Variants in COL21A1 observed in about 807,000 individuals in gnomAD.
The protein encoded by COL21A1 is collagen alpha-1(XXI) chain.
Under a neutral mutation model 137.9 loss-of-function variants are expected in COL21A1, and 149 were observed. The ratio of observed to expected loss-of-function variants is 1.08; its 90% CI spans 0.95 to 1.24. The LOEUF is 1.24. Ranked by LOEUF, COL21A1 falls within the 50% of genes most tolerant of loss-of-function variation. The pLI, the probability that COL21A1 is intolerant of heterozygous loss-of-function variation, is 0.00. For synonymous variants in COL21A1, 456 were observed against 391.5 expected (o/e 1.16, Z -1.95); for missense variants, 1,167 against 1,158.4 (o/e 1.01, Z -0.11).
intron 1 of COL21A1, among the ~76,000 whole-genome samples, chr6:56,266,380 G>T (rs1763390906): frequency 6.6e-6 from 1 of 152,068 alleles, no homozygotes; most frequent in Non-Finnish European, 1.5e-5. Context: ...ACACAGCCAT[G>T]ATCTTTTTTG....
At chr6:56,287,551 T>C (rs1763945682) in intron 1 of COL21A1, among the ~76,000 whole-genome samples, 1 of 152,104 alleles carries the variant, frequency 6.6e-6, no homozygotes. Flanking sequence ...TGATTTGCCA[T>C]GTGAAGAAGA....
At chr6:56,393,050 C>CAAA (rs34338247) in intron 1 of COL21A1, among the ~76,000 whole-genome samples, 1 of 123,820 alleles carries the variant, frequency 8.1e-6, no homozygotes, top group Non-Finnish European at 1.7e-5. Flanking sequence ...CAATCCTTAG[C>CAAA]AAAAAAAAAA....
intron 1 of COL21A1, among the ~76,000 whole-genome samples, chr6:56,335,072 TG>T (rs111678498): frequency 1.3e-5 from 2 of 152,042 alleles, no homozygotes; most frequent in South Asian, 2.1e-4. Context: ...AAGAATGGAT[TG>T]GTTTTTTTTG....
At chr6:56,361,235 G>A (rs12209253) in intron 1 of COL21A1, among the ~76,000 whole-genome samples, 24,673 of 152,084 alleles carry the variant, frequency 0.16, 2,152 homozygotes, top group Non-Finnish European at 0.18. Flanking sequence ...ACTGTAAAAC[G>A]AGGATGAGAC....
chr6:56,281,543 C>T (rs1263682255), intron 1 of COL21A1, among the ~76,000 whole-genome samples: 6 of 152,136 alleles, frequency 3.9e-5, no homozygotes, highest in Admixed American at 2.6e-4. Flanking sequence ...TATAATTTTA[C>T]TTACCTACAA....
At chr6:56,393,533 A>C (rs1194919800) in intron 1 of COL21A1, among the ~76,000 whole-genome samples, 1 of 152,218 alleles carries the variant, frequency 6.6e-6, no homozygotes, top group African/African-American at 2.4e-5. Context: ...CTGCACAGCA[A>C]AGGAAACAAT....
chr6:56,376,355 G>A (rs2093999253), intron 1 of COL21A1, among the ~76,000 whole-genome samples: 2 of 152,120 alleles, frequency 1.3e-5, no homozygotes, highest in Admixed American at 1.3e-4. Flanking sequence ...AGAGGAGGCA[G>A]GATGAGAAGA....
intron 1 of COL21A1, among the ~76,000 whole-genome samples, chr6:56,341,716 C>T (rs766538639): frequency 1.1e-4 from 16 of 152,114 alleles, no homozygotes; most frequent in Non-Finnish European, 1.8e-4. Context: ...GTGAACCCCA[C>T]GGACTTTGGA....
chr6:56,281,432 C>G (rs1376277242), intron 1 of COL21A1, among the ~76,000 whole-genome samples: 1 of 152,138 alleles, frequency 6.6e-6, no homozygotes, highest in African/African-American at 2.4e-5. Flanking sequence ...AAAAAGGTAA[C>G]AGTGGGCATC....
intron 1 of COL21A1, among the ~76,000 whole-genome samples, chr6:56,263,969 AACACACAC>A (rs57637593): frequency 6.6e-6 from 1 of 150,622 alleles, no homozygotes; most frequent in Non-Finnish European, 1.5e-5. Context: ...CTCATACACA[AACACACAC>A]ACACACACAC....
intron 1 of COL21A1, among the ~76,000 whole-genome samples, chr6:56,381,543 C>T (rs997340628): frequency 3.9e-5 from 6 of 152,206 alleles, no homozygotes; most frequent in Non-Finnish European, 7.3e-5. Flanking sequence ...CCCATGGCCT[C>T]AGTTACAAAG....
chr6:56,347,326 C>T (rs1201752644), intron 1 of COL21A1, among the ~76,000 whole-genome samples: 1 of 152,020 alleles, frequency 6.6e-6, no homozygotes, highest in Non-Finnish European at 1.5e-5. Context: ...CCCTTTCCCA[C>T]CCCCTCACCG....
At chr6:56,165,340 G>T (rs77001295) in intron 7 of COL21A1, among the ~76,000 whole-genome samples, 1,837 of 152,298 alleles carry the variant, frequency 0.012, 17 homozygotes, top group Middle Eastern at 0.027. Flanking sequence ...AAGAAGGTTG[G>T]ATTGAAGGTG....
chr6:56,097,513 G>A (rs1384477229), intron 17 of COL21A1, among the ~76,000 whole-genome samples: 2 of 151,542 alleles, frequency 1.3e-5, no homozygotes, highest in Non-Finnish European at 2.9e-5. Flanking sequence ...GGGGTGGAAG[G>A]AATATTGGGA....
intron 1 of COL21A1, among the ~76,000 whole-genome samples, chr6:56,208,182 A>G (rs1779918239): frequency 6.6e-6 from 1 of 152,200 alleles, no homozygotes; most frequent in Non-Finnish European, 1.5e-5. Context: ...AGTTCTGGTC[A>G]GAGCAATCAG....
intron 18 of COL21A1, among the ~76,000 whole-genome samples, chr6:56,076,793 CAG>C (rs1767282290): frequency 6.6e-6 from 1 of 151,234 alleles, no homozygotes; most frequent in African/African-American, 2.4e-5. Flanking sequence ...ATTCCAGAAA[CAG>C]AGAATGGAGC....
chr6:56,255,334 GGTGTGTGT>G (rs71783697), intron 1 of COL21A1, among the ~76,000 whole-genome samples: 38,690 of 145,492 alleles, frequency 0.27, 5,401 homozygotes, highest in Middle Eastern at 0.37. Flanking sequence ...TTGTTAAGAG[GGTGTGTGT>G]GTGTGTGTGT....
At chr6:56,123,727 G>A (rs538397706) in intron 16 of COL21A1, among the ~76,000 whole-genome samples, 1 of 152,308 alleles carries the variant, frequency 6.6e-6, no homozygotes, top group African/African-American at 2.4e-5. Flanking sequence ...CCGGGGTTAA[G>A]AAGACAGTTT....
chr6:56,381,860 C>T (rs566594010), intron 1 of COL21A1, among the ~76,000 whole-genome samples: 9 of 152,278 alleles, frequency 5.9e-5, no homozygotes, highest in African/African-American at 2.2e-4. Context: ...CTCAACTTGT[C>T]AAATCTCAGG....
Sources: allele counts gnomAD v4.1 joint callset (sites outside exome capture counted in the v4.1 genomes callset), GRCh38; gene constraint gnomAD v4.1.1; transcripts MANE v1.5; gene names NCBI Gene and HGNC (gene_info 2026-07-23, HGNC 2026-07-21).